OR4Q3: variants seen among roughly 807,000 people sequenced by gnomAD.
OR4Q3 encodes olfactory receptor 4Q3.
A neutral mutation model predicts 18.8 loss-of-function variants in OR4Q3; 17 were observed. The observed-to-expected ratio is 0.91, with a 90% CI of 0.62 to 1.36. OR4Q3 has a LOEUF of 1.36. Among genes scored for constraint, OR4Q3 ranks in the 40% most tolerant of loss-of-function variants. The probability of loss-of-function intolerance (pLI) is 0.00; values close to 1 mark genes in which losing one functional copy is unlikely to be tolerated. For synonymous variants in OR4Q3, 158 were observed against 145.8 expected (o/e 1.08, Z -0.60); for missense variants, 378 against 373.4 (o/e 1.01, Z -0.10).
chr14:19,743,792 T>C (rs1877368523), intron 1 of OR4Q3, 121 bp downstream of exon 1: 2 of 152,150 alleles, frequency 1.3e-5, no homozygotes, highest in Non-Finnish European at 2.9e-5. Flanking sequence ...GCATTGATCA[T>C]TTTTAAATTT....
exon 2 of OR4Q3, chr14:19,748,519 T>A: frequency 1.5e-6 from 1 of 670,132 alleles, no homozygotes; most frequent in Non-Finnish European, 2.5e-6. Flanking sequence ...GATTACAATT[T>A]AAAAGCATAG....
chr14:19,747,797 T>C, exon 2 of OR4Q3: 1 of 1,614,046 alleles, frequency 6.2e-7, no homozygotes, highest in Non-Finnish European at 8.5e-7. Flanking sequence ...CTATGACAGG[T>C]ATGTTGCCAT....
In OR4Q3 at chr14:19,747,941, C is replaced by G; in HGVS notation, c.538C>G (p.Pro180Ala). 4 of 1,614,018 alleles carry G rather than the reference C, an allele frequency of 2.5e-6. No individual in the cohort carries two copies. In the Admixed American group the frequency reaches 6.7e-5, roughly 27 times the overall value. Residue 180 changes from proline (P) to alanine (A), a missense_variant, in exon 2 of 2, where the codon CCC (proline) becomes GCC (alanine). Physicochemically the swap from Pro to Ala is conservative, Grantham distance 27 (BLOSUM62 -1). Coordinates refer to ENST00000642117, the Ensembl canonical transcript of OR4Q3. ...AGTCATCCAGCTGCCTTTCTGTGGGCCCAATGAACTGGACAACTTCTACTG... is the reference window on the plus strand; with the variant it reads ...AGTCATCCAGCTGCCTTTCTGTGGGGCCAATGAACTGGACAACTTCTACTG...
At chr14:19,751,480 G>A, downstream of OR4Q3, among the ~76,000 whole-genome samples, 2 of 151,536 alleles carry the variant, frequency 1.3e-5, no homozygotes, top group Admixed American at 1.3e-4. Flanking sequence ...TTATATGTCT[G>A]GTAGAATTCA....
chr14:19,750,168 A>G, downstream of OR4Q3, among the ~76,000 whole-genome samples: 1 of 152,018 alleles, frequency 6.6e-6, no homozygotes, highest in Non-Finnish European at 1.5e-5. Context: ...TATTTTTAGT[A>G]AAGACGGGGT....
downstream of OR4Q3, among the ~76,000 whole-genome samples, chr14:19,749,991 C>T: frequency 5.1e-5 from 7 of 138,098 alleles, no homozygotes; most frequent in Non-Finnish European, 7.7e-5. Flanking sequence ...CTTTCTTCTT[C>T]TTTTTTTTTT....
chr14:19,743,790 C>CATT (rs34009059), intron 1 of OR4Q3, 119 bp downstream of exon 1: 19,335 of 149,472 alleles, frequency 0.13, 567 homozygotes, highest in South Asian at 0.23. Context: ...TGGCATTGAT[C>CATT]ATTTTTAAAT....
At chr14:19,747,194 G>A in intron 1 of OR4Q3, among the ~76,000 whole-genome samples, 350 of 152,208 alleles carry the variant, frequency 2.3e-3, no homozygotes, top group African/African-American at 8.0e-3. Context: ...TGTTTATTGT[G>A]AATGCAATTT....
downstream of OR4Q3, among the ~76,000 whole-genome samples, chr14:19,749,620 A>AAAAAAAAAAC: frequency 6.8e-6 from 1 of 148,020 alleles, no homozygotes; most frequent in Non-Finnish European, 1.5e-5. Context: ...AAAAAAAAAA[A>AAAAAAAAAAC]AAAAAAAAAA....
chr14:19,748,310 A>AT lies in OR4Q3; in HGVS notation c.908dup (p.Met303IlefsTer27). The AT allele has an allele frequency of 6.2e-7, 1 of 1,613,746 alleles. No individual in the cohort carries two copies. The highest frequency in any genetic ancestry group is 1.3e-5 in the African/African-American group (1 of 75,058). ...CATCTACACACTCAGAAATACTGAT[A>AT]TGAAGACAGCTATGAAGAAGCTGAG... On this transcript the variant is annotated frameshift_variant, in exon 2 of 2. Transcript: ENST00000642117. LOFTEE classifies it high-confidence loss of function.
chr14:19,744,697 C>T (rs111245598), intron 1 of OR4Q3, among the ~76,000 whole-genome samples: 10,727 of 151,108 alleles, frequency 0.071, 270 homozygotes, highest in African/African-American at 0.19. Context: ...GGATATGAAA[C>T]ATGAAATGCT....
chr14:19,748,738 G>C, exon 2 of OR4Q3: 1 of 202,656 alleles, frequency 4.9e-6, no homozygotes, highest in Admixed American at 5.4e-5. Context: ...TTTGTGTTCA[G>C]TTCCTCCAGC....
At chr14:19,747,863 G>C in exon 2 of OR4Q3, 2 of 1,614,068 alleles carry the variant, frequency 1.2e-6, no homozygotes, top group Non-Finnish European at 8.5e-7. Flanking sequence ...CCTTTGGTTG[G>C]TTCTTGCCTG....
intron 1 of OR4Q3, among the ~76,000 whole-genome samples, chr14:19,746,035 T>C: frequency 6.6e-6 from 1 of 152,018 alleles, no homozygotes; most frequent in African/African-American, 2.4e-5. Context: ...TAGAGAAAGT[T>C]TTGTTGTCAT....
At chr14:19,747,454 G>A in exon 2 of OR4Q3, 48 of 1,607,852 alleles carry the variant, frequency 3.0e-5, no homozygotes, top group East Asian at 2.0e-4. Context: ...ATTCTAATGT[G>A]ACAGAATTTG....
intron 1 of OR4Q3, among the ~76,000 whole-genome samples, chr14:19,744,939 ATG>A: frequency 6.6e-6 from 1 of 152,172 alleles, no homozygotes; most frequent in Non-Finnish European, 1.5e-5. Flanking sequence ...AAGCTGGGAG[ATG>A]ACTCTACCAA....
Position 19,749,216 on chromosome 14 carries a change from C to T in OR4Q3, c.*847C>T. On this transcript the variant is annotated 3_prime_UTR_variant, in exon 2 of 2. Transcript: ENST00000642117. ...ATTTTTGAGATGCTCACAGTTATTACCTCTGAGTCTCAAACATGCTTTGAG... is the reference window on the plus strand; with the variant it reads ...ATTTTTGAGATGCTCACAGTTATTATCTCTGAGTCTCAAACATGCTTTGAG... 4 of 152,386 alleles carry T rather than the reference C, an allele frequency of 2.6e-5. No homozygotes were observed. The East Asian group carries it at 7.7e-4, about 29-fold the overall frequency. 9.4% of individuals were successfully genotyped at this position (152,386 alleles called of 1,614,324 possible).
chr14:19,745,371 T>C, intron 1 of OR4Q3, among the ~76,000 whole-genome samples: 1 of 152,194 alleles, frequency 6.6e-6, no homozygotes, highest in Non-Finnish European at 1.5e-5. Context: ...TTGTCTGTTT[T>C]AGTATAATCT....
chr14:19,751,798 A>C, downstream of OR4Q3, among the ~76,000 whole-genome samples: 1 of 151,674 alleles, frequency 6.6e-6, no homozygotes, highest in Admixed American at 6.6e-5. Flanking sequence ...TAATCTAACT[A>C]GCAGTCTAAC....
Sources: allele counts gnomAD v4.1 joint callset (sites outside exome capture counted in the v4.1 genomes callset), GRCh38; gene constraint gnomAD v4.1.1; transcripts MANE v1.5; gene names NCBI Gene and HGNC (gene_info 2026-07-23, HGNC 2026-07-21).